Variants in CDH4 observed in about 807,000 individuals in gnomAD.
CDH4 encodes cadherin-4.
CDH4 carries 33 observed loss-of-function variants against 86.0 expected under a neutral mutation model. That is an observed-to-expected ratio of 0.38 (90% CI 0.29 to 0.51). The LOEUF (loss-of-function observed/expected upper bound fraction) is 0.51, where lower values mean the gene tolerates loss of function less well. Among genes scored for constraint, CDH4 ranks in the 20% least tolerant of loss-of-function variants. The pLI is 0.86. For synonymous variants in CDH4, 555 were observed against 549.4 expected (o/e 1.01, Z -0.14); for missense variants, 1,114 against 1,307.4 (o/e 0.85, Z 2.28).
intron 13 of CDH4, among the ~76,000 whole-genome samples, chr20:61,930,143 G>C (rs780089003): frequency 3.9e-5 from 6 of 152,216 alleles, no homozygotes; most frequent in Non-Finnish European, 4.4e-5. Context: ...TTGCCCTCCA[G>C]GACCTGTGAC....
intron 2 of CDH4, among the ~76,000 whole-genome samples, chr20:61,519,595 C>T (rs1408853075): frequency 5.9e-5 from 9 of 152,256 alleles, no homozygotes; most frequent in Non-Finnish European, 1.0e-4. Flanking sequence ...GCCCCGACCC[C>T]GAGGAGGGCT....
At chr20:61,877,871 G>A (rs552132826) in intron 7 of CDH4, among the ~76,000 whole-genome samples, 5 of 152,178 alleles carry the variant, frequency 3.3e-5, no homozygotes, top group South Asian at 2.1e-4. Flanking sequence ...CCCCCGGAAC[G>A]TCCCTGGGGT....
At position 61,829,963 on chromosome 20, in the gene CDH4, G is replaced by T. The variant is rs1031623423; in HGVS notation, c.577-14705G>T. Among the ~76,000 whole-genome samples the T allele has an allele frequency of 2.0e-5, 3 of 152,050 alleles. No individual in the cohort carries two copies. The highest frequency in any genetic ancestry group is 4.4e-5 in the Non-Finnish European group (3 of 67,986). On this transcript the variant is annotated intron_variant, in intron 4 of 15. Coordinates refer to ENST00000614565, the MANE Select transcript of CDH4 (RefSeq NM_001794.5). The surrounding 1 kb of genome is among the most constrained non-coding windows in gnomAD (Gnocchi z 4.2). ...GTGGGAAGTGCAGGTGGGTGGTTTGGTGTGTTTGGCAAGCCGACCCAAACT... is the reference window on the plus strand; with the variant it reads ...GTGGGAAGTGCAGGTGGGTGGTTTGTTGTGTTTGGCAAGCCGACCCAAACT...
rs3048343 is a variant in CDH4, at chr20:61,252,442, TCGGCGG to T, written c.-52_-47del. On this transcript the variant is annotated 5_prime_UTR_variant, in exon 1 of 16. Transcript: ENST00000614565. This position sits in a 1 kb window ranked among gnomAD's most constrained non-coding sequence, Gnocchi z 4.4. ...GGCGATCGGAGCGGCGGCGGTGGTC[TCGGCGG>T]CGGCGGCGGCGGCGGCGGCAGGGAG... The T allele has an allele frequency of 7.4e-4, 479 of 644,396 alleles. No homozygotes were observed. The highest frequency in any genetic ancestry group is 2.0e-3 in the African/African-American group (94 of 46,798). The allele number at this position is 644,396 out of a possible 1,614,324, so 39.9% of individuals were successfully genotyped here. A position where few individuals can be genotyped will look rare whatever the true frequency, so the allele number is the denominator to read the frequency against.
intron 2 of CDH4, among the ~76,000 whole-genome samples, chr20:61,449,273 G>T (rs1052988232): frequency 1.3e-5 from 2 of 152,228 alleles, no homozygotes; most frequent in Admixed American, 1.3e-4. Flanking sequence ...TGAAACCAAG[G>T]TCAGTGTGGA....
intron 4 of CDH4, among the ~76,000 whole-genome samples, chr20:61,792,032 G>C (rs1032707718): frequency 6.6e-6 from 1 of 152,170 alleles, no homozygotes; most frequent in Admixed American, 6.5e-5. Flanking sequence ...GGATGCCTTT[G>C]GCTGCCTGGT....
intron 2 of CDH4, among the ~76,000 whole-genome samples, chr20:61,406,671 A>G (rs1266755398): frequency 6.6e-5 from 9 of 136,704 alleles, no homozygotes; most frequent in South Asian, 5.2e-4. Context: ...CCGGACCACC[A>G]TCTGCTCTCC....
chr20:61,873,675 G>T, intron 6 of CDH4, 53 bp from the exon 7 acceptor site: 1 of 1,575,566 alleles, frequency 6.3e-7, no homozygotes, highest in Non-Finnish European at 8.6e-7. Context: ...GTGTGCGGGG[G>T]TGGCAGCCTG....
At chr20:61,437,757 A>G (rs1188087905) in intron 2 of CDH4, among the ~76,000 whole-genome samples, 3 of 152,154 alleles carry the variant, frequency 2.0e-5, no homozygotes, top group African/African-American at 7.2e-5. Context: ...GGACCCTTTC[A>G]TGACTGCCCT....
At chr20:61,430,289 G>A (rs1045019620) in intron 2 of CDH4, among the ~76,000 whole-genome samples, 4 of 152,166 alleles carry the variant, frequency 2.6e-5, no homozygotes, top group South Asian at 2.1e-4. Flanking sequence ...GTGGGTGTGC[G>A]CTTGCAGAGA....
intron 2 of CDH4, among the ~76,000 whole-genome samples, chr20:61,477,458 C>T (rs552879621): frequency 3.2e-4 from 48 of 152,320 alleles, no homozygotes; most frequent in African/African-American, 1.1e-3. Flanking sequence ...CCAGCAGAAA[C>T]GAAGTCTCAT....
At position 61,703,759 on chromosome 20, in the gene CDH4, T is replaced by G. The variant is rs1331162531; in HGVS notation, c.170-39804T>G. Among the ~76,000 whole-genome samples, 1 of 152,254 alleles carries G rather than the reference T, an allele frequency of 6.6e-6. No individual in the cohort carries two copies. The highest frequency in any genetic ancestry group is 6.5e-5 in the Admixed American group (1 of 15,294). The stretch of plus-strand genomic sequence containing the variant: ...CTTTCTGTGTCTGCATCAGACCCTG[T>G]GCACTATTCAGCCTCCCTCCCCTGA... On this transcript the variant is annotated intron_variant, in intron 2 of 15. Transcript: ENST00000614565. This position sits in a 1 kb window ranked among gnomAD's most constrained non-coding sequence, Gnocchi z 4.3.
At chr20:61,784,860 G>A (rs559997563) in intron 4 of CDH4, among the ~76,000 whole-genome samples, 69 of 152,184 alleles carry the variant, frequency 4.5e-4, no homozygotes, top group African/African-American at 1.6e-3. Flanking sequence ...TCTGGATGGC[G>A]CGAGTTTCCC....
intron 2 of CDH4, among the ~76,000 whole-genome samples, chr20:61,647,127 G>A (rs942350872): frequency 1.3e-5 from 2 of 152,208 alleles, no homozygotes; most frequent in African/African-American, 4.8e-5. Flanking sequence ...CGAATGTTTA[G>A]GGAAGGAGAT....
chr20:61,487,918 C>T (rs1875351834), intron 2 of CDH4, among the ~76,000 whole-genome samples: 2 of 152,212 alleles, frequency 1.3e-5, no homozygotes, highest in Non-Finnish European at 2.9e-5. Context: ...CTGAGGTCAG[C>T]TCTTCCTAAT....
intron 2 of CDH4, among the ~76,000 whole-genome samples, chr20:61,324,626 G>C (rs1211463520): frequency 6.6e-6 from 1 of 152,156 alleles, no homozygotes; most frequent in Non-Finnish European, 1.5e-5. Context: ...CCTTAGTCTG[G>C]TATGAACTCA....
intron 2 of CDH4, chr20:61,369,952 G>A (rs2084831180): frequency 6.6e-6 from 1 of 152,526 alleles, no homozygotes; most frequent in Non-Finnish European, 1.5e-5. Context: ...GGACAGCAGA[G>A]GTAGGCAGCA....
intron 2 of CDH4, among the ~76,000 whole-genome samples, chr20:61,638,273 A>G (rs541100702): frequency 3.3e-5 from 5 of 152,278 alleles, no homozygotes; most frequent in Non-Finnish European, 5.9e-5. Context: ...ACTTACCTCG[A>G]TGAGTATTTC....
chr20:61,479,677 G>A (rs550906226), intron 2 of CDH4, among the ~76,000 whole-genome samples: 5 of 152,150 alleles, frequency 3.3e-5, no homozygotes, highest in Non-Finnish European at 7.4e-5. Flanking sequence ...GCTTGGTCTA[G>A]TTTTCTTCAT....
Sources: gnomAD v4.1 joint callset for allele counts (sites outside exome capture counted in the v4.1 genomes callset) on GRCh38, gnomAD v4.1.1 for gene constraint, Gnocchi (gnomAD v3.1) non-coding constraint, MANE v1.5 for transcripts, NCBI Gene and HGNC (gene_info 2026-07-23, HGNC 2026-07-21) for gene names.